SEC24A: variants seen among roughly 807,000 people sequenced by gnomAD.
SEC24A encodes the protein protein transport protein Sec24A.
In SEC24A, 93 loss-of-function variants were observed where a neutral mutation model predicts 129.4. That is an observed-to-expected ratio of 0.72 (90% CI 0.61 to 0.85). The LOEUF (loss-of-function observed/expected upper bound fraction) is 0.85. SEC24A is among the 40% of genes least tolerant of loss of function. The probability of loss-of-function intolerance (pLI) is 0.00; values close to 1 mark genes in which losing one functional copy is unlikely to be tolerated. For synonymous variants in SEC24A, 460 were observed against 467.3 expected (o/e 0.98, Z 0.20); for missense variants, 1,264 against 1,307.4 (o/e 0.97, Z 0.51).
chr5:134,697,785 G>A, intron 14 of SEC24A, 114 bp from the exon 15 acceptor site: 3 of 1,105,952 alleles, frequency 2.7e-6, no homozygotes, highest in Non-Finnish European at 3.9e-6. Flanking sequence ...TCTCCTTTCT[G>A]ACAGTAGTTT....
chr5:134,685,449 T>C (rs1387566904), intron 9 of SEC24A, among the ~76,000 whole-genome samples: 3 of 152,190 alleles, frequency 2.0e-5, no homozygotes, highest in Non-Finnish European at 2.9e-5. Flanking sequence ...TAGGTATTAT[T>C]TTAAAAATCT....
chr5:134,703,955 G>A, intron 16 of SEC24A, 23 bp downstream of exon 16: 1 of 1,490,048 alleles, frequency 6.7e-7, no homozygotes, highest in Non-Finnish European at 9.2e-7. Context: ...TTTTTTTTTG[G>A]ATTTCAAATG....
chr5:134,718,177 A>G lies in SEC24A; in HGVS notation c.2970+4A>G. 1 of 1,607,898 alleles carries G rather than the reference A, an allele frequency of 6.2e-7. No individual in the cohort carries two copies. The highest frequency in any genetic ancestry group is 8.5e-7 in the Non-Finnish European group (1 of 1,174,318). On this transcript the variant is annotated splice_donor_region_variant and intron_variant, in intron 20 of 22. Transcript: ENST00000398844. The stretch of plus-strand genomic sequence containing the variant: ...TTTCCTCATGGATGCAGGCTCTGTA[A>G]GTAATTTGACTTATCCTGACCCTCA...
At chr5:134,705,090 A>ATATATATATATATATATATATATATATT (rs1180461537) in intron 16 of SEC24A, among the ~76,000 whole-genome samples, 2 of 123,304 alleles carry the variant, frequency 1.6e-5, no homozygotes, top group Non-Finnish European at 3.4e-5. Context: ...ATATATATAT[A>ATATATATATATATATATATATATATATT]TTTTTTTTTT....
intron 1 of SEC24A, among the ~76,000 whole-genome samples, chr5:134,657,081 G>A (rs376470617): frequency 5.9e-5 from 9 of 151,972 alleles, no homozygotes; most frequent in African/African-American, 2.2e-4. Context: ...AGCTACTCAA[G>A]AGGGGAGGTG....
At position 134,703,653 on chromosome 5, in the gene SEC24A, A is replaced by T. The variant is rs182323638; in HGVS notation, c.2267-106A>T. On this transcript the variant is annotated intron_variant, in intron 15 of 22. Transcript: ENST00000398844. ...TTAACCTCACTAAGTACTGTGTATT[A>T]TCTAGATTTCTTTACTTTTTGCCAA... 6 of 725,776 alleles carry T rather than the reference A, an allele frequency of 8.3e-6. No homozygotes were observed. In the Admixed American group the frequency reaches 1.3e-4, roughly 15 times the overall value. The allele number at this position is 725,776 out of a possible 1,614,324, so 45.0% of individuals were successfully genotyped here.
At chr5:134,671,622 G>A (rs984811067) in intron 3 of SEC24A, among the ~76,000 whole-genome samples, 187 bp from the exon 4 acceptor site, 1 of 152,174 alleles carries the variant, frequency 6.6e-6, no homozygotes, top group Admixed American at 6.6e-5. Context: ...TTTCCCTGAA[G>A]TTGCAGCTAA....
chr5:134,661,391 A>T lies in SEC24A; in HGVS notation c.370A>T (p.Ser124Cys). 1 of 1,614,190 alleles carries T rather than the reference A, an allele frequency of 6.2e-7. No homozygotes were observed. The highest frequency in any genetic ancestry group is 8.5e-7 in the Non-Finnish European group (1 of 1,180,032). ...CCCAGCTACTACACCAATGCCTTCTAGTAGCTTTCTTCCTGAAGCCAACCT... is the reference window on the plus strand; with the variant it reads ...CCCAGCTACTACACCAATGCCTTCTTGTAGCTTTCTTCCTGAAGCCAACCT... ...QNPATTPMPS[S>C]SFLPEANLPP... The change falls in exon 2 of 23, where the codon AGT becomes TGT. Residue 124 changes from serine (S) to cysteine (C), a missense_variant. Coordinates refer to ENST00000398844, the MANE Select transcript of SEC24A (RefSeq NM_021982.3).
intron 22 of SEC24A, 54 bp from the exon 23 acceptor site, chr5:134,724,925 CA>C (rs767341700): frequency 2.5e-4 from 214 of 841,464 alleles, no homozygotes; most frequent in Non-Finnish European, 4.2e-4. Context: ...AGCCTTCTGA[CA>C]AGTCTATTTT....
intron 11 of SEC24A, among the ~76,000 whole-genome samples, chr5:134,690,316 G>A (rs1433125847): frequency 6.6e-6 from 1 of 152,112 alleles, no homozygotes; most frequent in African/African-American, 2.4e-5. Context: ...CACTGTGCCT[G>A]GCTATTACTA....
chr5:134,712,529 C>T lies in SEC24A; in HGVS notation c.2728-2495C>T, dbSNP rs1428986677. 2.6e-5 allele frequency among the ~76,000 whole-genome samples: 4 copies of T among 152,292 alleles called. No homozygotes were observed. In the East Asian group the frequency reaches 5.8e-4, roughly 22 times the overall value. On this transcript the variant is annotated intron_variant, in intron 18 of 22. Transcript: ENST00000398844. ...CCTCCCAAAGTACTGGGATTACAGA[C>T]ATGAGCCACCGTGCCCGGTCTCTAG...
intron 18 of SEC24A, among the ~76,000 whole-genome samples, chr5:134,713,353 A>G (rs910676854): frequency 4.3e-4 from 66 of 151,886 alleles, no homozygotes; most frequent in Non-Finnish European, 8.1e-4. Flanking sequence ...CAGTACCCCA[A>G]TCCCACCCCA....
Position 134,708,820 on chromosome 5 carries a change from C to G in SEC24A, c.2659C>G (p.Gln887Glu). 1 of 1,614,160 alleles carries G rather than the reference C, an allele frequency of 6.2e-7. No individual in the cohort carries two copies. Among genetic ancestry groups the G allele is most frequent in the Non-Finnish European group, 8.5e-7 (1 of 1,180,022 alleles). Residue 887 changes from glutamine (Q) to glutamate (E), a missense_variant, in exon 18 of 23, where the codon CAG becomes GAG. Gln to Glu is a conservative substitution (Grantham distance 29, BLOSUM62 2). Transcript: ENST00000398844. Reference protein sequence around the residue: ...AYRSSVLSNQQPGLMVPFSLR... With the variant: ...AYRSSVLSNQEPGLMVPFSLR... ...CCGTTCTTCAGTCTTAAGTAACCAG[C>G]AGCCTGGACTCATGGTTCCTTTTTC...
At chr5:134,676,521 G>A (rs1456450991) in intron 7 of SEC24A, among the ~76,000 whole-genome samples, 2 of 132,638 alleles carry the variant, frequency 1.5e-5, no homozygotes, top group Admixed American at 1.9e-4. Flanking sequence ...TCGGCTCACC[G>A]CAATCTCCGC....
intron 2 of SEC24A, among the ~76,000 whole-genome samples, chr5:134,662,650 C>T (rs547139846): frequency 6.6e-6 from 1 of 152,234 alleles, no homozygotes; most frequent in East Asian, 1.9e-4. Context: ...TTTTCCAAGC[C>T]TTTGATCAGA....
rs747396790 is a variant in SEC24A at position 134,649,037 on chromosome 5, C to T, written c.-40C>T. The T allele has an allele frequency of 6.8e-7, 1 of 1,460,110 alleles. No individual in the cohort carries two copies. Among genetic ancestry groups the T allele is most frequent in the Non-Finnish European group, 9.5e-7 (1 of 1,053,368 alleles). 90.4% of individuals were successfully genotyped at this position (1,460,110 alleles called of 1,614,324 possible). ...GGTCTTTCAGCTCTCTTCTTGTGCG[C>T]TGTTGTCGACCCCGACCAGCCCCTT... On this transcript the variant is annotated 5_prime_UTR_variant, in exon 1 of 23. Transcript: ENST00000398844.
chr5:134,726,981 G>T lies in SEC24A; in HGVS notation c.*1887G>T, dbSNP rs565398890. On this transcript the variant is annotated 3_prime_UTR_variant, in exon 23 of 23. Coordinates refer to ENST00000398844, the MANE Select transcript of SEC24A (RefSeq NM_021982.3). ...TACTTTTAAATATTATTTTAGATAC[G>T]GTGTAACATGTGCAATTCAGAATAA... The T allele has an allele frequency of 2.0e-5, 3 of 152,396 alleles. No homozygotes were observed. Among genetic ancestry groups the T allele is most frequent in the Non-Finnish European group, 2.9e-5 (2 of 67,936 alleles). 9.4% of individuals were successfully genotyped at this position (152,396 alleles called of 1,614,324 possible).
chr5:134,697,761 A>C (rs556115086), intron 14 of SEC24A, 138 bp from the exon 15 acceptor site: 7 of 922,580 alleles, frequency 7.6e-6, no homozygotes, highest in African/African-American at 3.4e-5. Context: ...CTGTCTCAAA[A>C]AAAGGGAATA....
intron 9 of SEC24A, 69 bp downstream of exon 9, chr5:134,682,551 A>G (rs775322201): frequency 1.3e-6 from 1 of 743,486 alleles, no homozygotes; most frequent in Non-Finnish European, 2.3e-6. Flanking sequence ...ACAATACAGC[A>G]TCCTGTAACA....
Sources: allele counts gnomAD v4.1 joint callset (sites outside exome capture counted in the v4.1 genomes callset), GRCh38; gene constraint gnomAD v4.1.1; transcripts MANE v1.5; gene names NCBI Gene and HGNC (gene_info 2026-07-23, HGNC 2026-07-21).